The following ACO1 variants were observed in gnomAD, a reference collection of about 807,000 sequenced individuals.
ACO1 encodes aconitase 1, also known as cytoplasmic aconitate hydratase.
Under a neutral mutation model 105.1 loss-of-function variants are expected in ACO1, and 78 were observed. The ratio of observed to expected loss-of-function variants is 0.74; its 90% CI spans 0.62 to 0.90. ACO1 has a LOEUF of 0.90. ACO1 is among the 40% of genes least tolerant of loss of function. The pLI, the probability that ACO1 is intolerant of heterozygous loss-of-function variation, is 0.00. For missense variants in ACO1, 965 were observed against 1,111.1 expected, an observed-to-expected ratio of 0.87 and a Z score of 1.87; for synonymous variants, 364 against 397.4, an observed-to-expected ratio of 0.92 and a Z score of 1.00.
chr9:32,394,105 G>A (rs1008930983), intron 1 of ACO1, among the ~76,000 whole-genome samples: 4 of 152,080 alleles, frequency 2.6e-5, no homozygotes, highest in Admixed American at 6.6e-5. Context: ...CTTTATCCAC[G>A]TGCAACACTT....
At chr9:32,443,150 A>G (rs963120696) in intron 19 of ACO1, among the ~76,000 whole-genome samples, 1 of 152,180 alleles carries the variant, frequency 6.6e-6, no homozygotes, top group Non-Finnish European at 1.5e-5. Context: ...ACAAAGCAAT[A>G]TAACAGAAGA....
chr9:32,400,193 A>G (rs532039689), intron 1 of ACO1, among the ~76,000 whole-genome samples: 1 of 150,692 alleles, frequency 6.6e-6, no homozygotes, highest in Admixed American at 6.6e-5. Context: ...CTGGTCTCAA[A>G]CTCCTGACCT....
In ACO1 at chr9:32,447,332, T is replaced by A. The variant is rs1258315692; in HGVS notation, c.2371-1564T>A. 5.3e-5 allele frequency among the ~76,000 whole-genome samples: 8 copies of A among 152,344 alleles called. No individual in the cohort carries two copies. In the East Asian group the frequency reaches 1.5e-3, roughly 29 times the overall value. On this transcript the variant is annotated intron_variant, in intron 19 of 20. Transcript: ENST00000309951. ...CATTGAGTTGATCTTCAATCTCTGA[T>A]ATCTTTTCTTCCACTTGATCAATTC... is the stretch of plus-strand genomic sequence containing the variant.
chr9:32,445,591 A>G (rs1194595149), intron 19 of ACO1: 2 of 308,386 alleles, frequency 6.5e-6, no homozygotes, highest in Admixed American at 7.4e-5. Flanking sequence ...TTTTTTGAAC[A>G]GTTTCTGGTG....
Position 32,420,942 on chromosome 9 carries a change from G to A in ACO1, c.885G>A (p.Thr295=), listed in dbSNP as rs780228812. 30 of 1,613,996 alleles carry A rather than the reference G, an allele frequency of 1.9e-5. No individual in the cohort carries two copies. In the Admixed American group the frequency reaches 4.2e-4, roughly 22 times the overall value. Residue 295 remains threonine (T), a synonymous_variant, in exon 8 of 21, where the codon ACG becomes ACA. Transcript: ENST00000309951. ...AGTTGTCCATTGCTGACCGAGCTACGATTGCTAACATGTGTCCAGAGTACG... is the reference window on the plus strand; with the variant it reads ...AGTTGTCCATTGCTGACCGAGCTACAATTGCTAACATGTGTCCAGAGTACG... ...VAQLSIADRA[T]IANMCPEYGA...
At chr9:32,420,764 A>G (rs1002451676) in intron 7 of ACO1, 92 bp from the exon 8 acceptor site, 52 of 1,369,968 alleles carry the variant, frequency 3.8e-5, no homozygotes, top group Non-Finnish European at 4.5e-5. Context: ...GTTTACTGAC[A>G]AGACTAGTTT....
chr9:32,394,157 T>C (rs1268758542), intron 1 of ACO1, among the ~76,000 whole-genome samples: 1 of 152,212 alleles, frequency 6.6e-6, no homozygotes, highest in African/African-American at 2.4e-5. Context: ...TTTAATGTAT[T>C]GTTTCATCTG....
At position 32,418,471 on chromosome 9, in the gene ACO1, G is replaced by T; in HGVS notation, c.618G>T (p.Ser206=). The part of the protein sequence containing the change: ...YYPDSLVGTD[S]HTTMIDGLGI... Reference sequence around the variant, plus strand: ...CAGACAGCCTCGTGGGCACAGACTCGCACACTACCATGATTGATGGCTTGG... The same window carrying T: ...CAGACAGCCTCGTGGGCACAGACTCTCACACTACCATGATTGATGGCTTGG... The change falls in exon 6 of 21, where the codon TCG becomes TCT. Residue 206 remains serine (S), a synonymous_variant. Transcript: ENST00000309951. 4 of 1,614,164 alleles carry T rather than the reference G, an allele frequency of 2.5e-6. No individual in the cohort carries two copies. The highest frequency in any genetic ancestry group is 3.4e-6 in the Non-Finnish European group (4 of 1,180,008).
intron 18 of ACO1, among the ~76,000 whole-genome samples, chr9:32,438,018 T>C (rs1027143890): frequency 2.6e-5 from 4 of 152,082 alleles, no homozygotes; most frequent in Non-Finnish European, 4.4e-5. Context: ...TCTCTGAGAA[T>C]CCAGATTGAA....
chr9:32,431,157 T>A (rs1822226344), intron 14 of ACO1, among the ~76,000 whole-genome samples: 1 of 152,250 alleles, frequency 6.6e-6, no homozygotes, highest in African/African-American at 2.4e-5. Flanking sequence ...ATTTGTAGTA[T>A]GTTCACGGTC....
chr9:32,450,284 C>T lies in ACO1; in HGVS notation c.*173C>T. 4 of 710,590 alleles carry T rather than the reference C, an allele frequency of 5.6e-6. No homozygotes were observed. The highest frequency in any genetic ancestry group is 4.5e-5 in the South Asian group (3 of 66,058). The allele number at this position is 710,590 out of a possible 1,614,324, so 44.0% of individuals were successfully genotyped here. A position where few individuals can be genotyped will look rare whatever the true frequency, so the allele number is the denominator to read the frequency against. The stretch of plus-strand genomic sequence containing the variant: ...GTAGGCACAAAACCAGAAGTTTCTA[C>T]ATTCTCTATTTTTGTTAATCATCTT... On this transcript the variant is annotated 3_prime_UTR_variant, in exon 21 of 21. Coordinates refer to ENST00000309951, the MANE Select transcript of ACO1 (RefSeq NM_002197.3).
intron 15 of ACO1, among the ~76,000 whole-genome samples, chr9:32,433,292 A>G (rs1480024425): frequency 6.6e-6 from 1 of 152,088 alleles, no homozygotes; most frequent in Non-Finnish European, 1.5e-5. Context: ...GGAGTGCAGT[A>G]GTGTCATCAT....
chr9:32,402,000 G>C lies in ACO1; in HGVS notation c.-22-3485G>C, dbSNP rs140234268. On this transcript the variant is annotated intron_variant, in intron 1 of 20. Transcript: ENST00000309951. ...AGAATGTGAACTACATGTAATGAAG[G>C]GTTTCAGATACAGTAGCTCCGTTTT... 2.1e-3 allele frequency among the ~76,000 whole-genome samples: 313 copies of C among 152,318 alleles called. 1 individual carries two copies. Among genetic ancestry groups the C allele is most frequent in the Admixed American group, 6.5e-3 (100 of 15,300 alleles).
intron 1 of ACO1, among the ~76,000 whole-genome samples, chr9:32,397,334 T>C (rs528388472): frequency 4.1e-4 from 63 of 152,330 alleles, no homozygotes; most frequent in African/African-American, 1.5e-3. Flanking sequence ...ATTTAATAGG[T>C]TTTTGTTTTA....
rs376849213 is a variant in ACO1 at position 32,419,027 on chromosome 9, G to T, written c.659-11G>T. On this transcript the variant is annotated splice_polypyrimidine_tract_variant and intron_variant, in intron 6 of 20. Coordinates refer to ENST00000309951, the MANE Select transcript of ACO1 (RefSeq NM_002197.3). ...ATGAAGGCATTCTTCCGGTCATGCC[G>T]TTCATTGCAGGTGTCGGTGGTATTG... 3.1e-5 allele frequency: 49 copies of T among 1,584,252 alleles called. No individual in the cohort carries two copies. The highest frequency in any genetic ancestry group is 6.8e-5 in the African/African-American group (5 of 73,798).
At position 32,448,963 on chromosome 9, in the gene ACO1, T is replaced by G. The variant is rs1026232875; in HGVS notation, c.2438T>G (p.Val813Gly). 12 of 1,614,068 alleles carry G rather than the reference T, an allele frequency of 7.4e-6. No homozygotes were observed. Among genetic ancestry groups the G allele is most frequent in the African/African-American group, 1.3e-5 (1 of 74,924 alleles). Residue 813 changes from valine to glycine, a missense_variant, in exon 20 of 21, where the codon GTG becomes GGG. Coordinates refer to ENST00000309951, the MANE Select transcript of ACO1 (RefSeq NM_002197.3). ...IHRSNLVGMG[V>G]IPLEYLPGEN... ...CGCAGTAACCTGGTTGGGATGGGTG[T>G]GATCCCACTTGAATATCTCCCTGGT... is the stretch of plus-strand genomic sequence containing the variant.
intron 1 of ACO1, among the ~76,000 whole-genome samples, chr9:32,385,226 C>G (rs1404992964): frequency 1.3e-5 from 2 of 152,184 alleles, no homozygotes; most frequent in Non-Finnish European, 1.5e-5. Flanking sequence ...GAACACAGAG[C>G]CCACCATGAT....
intron 1 of ACO1, among the ~76,000 whole-genome samples, chr9:32,401,491 T>C (rs992704393): frequency 1.3e-5 from 2 of 152,114 alleles, no homozygotes; most frequent in African/African-American, 4.8e-5. Flanking sequence ...GCTACATGAT[T>C]GCTAAGGTTC....
intron 18 of ACO1, 148 bp from the exon 19 acceptor site, chr9:32,440,317 C>A: frequency 1.1e-5 from 8 of 743,894 alleles, no homozygotes; most frequent in African/African-American, 1.8e-5. Context: ...GTAAAAAGAT[C>A]AAGATAATTG....
Sources: allele counts gnomAD v4.1 joint callset (sites outside exome capture counted in the v4.1 genomes callset), GRCh38; gene constraint gnomAD v4.1.1; transcripts MANE v1.5; gene names NCBI Gene and HGNC (gene_info 2026-07-23, HGNC 2026-07-21).